Variants in MSH3 observed in about 807,000 individuals in gnomAD.
The protein encoded by MSH3 is mutS homolog 3.
Under a neutral mutation model 123.3 loss-of-function variants are expected in MSH3, and 106 were observed. The ratio of observed to expected loss-of-function variants is 0.86; its 90% CI spans 0.73 to 1.01. The LOEUF (loss-of-function observed/expected upper bound fraction) is 1.01, where lower values mean the gene tolerates loss of function less well. MSH3 is among the 50% of genes least tolerant of loss of function. MSH3 has a pLI of 0.00. For missense variants in MSH3, 1,459 were observed against 1,347.6 expected (o/e 1.08, Z -1.29); for synonymous variants, 515 against 481.4 (o/e 1.07, Z -0.91).
chr5:80,836,534 A>G (rs966901814), intron 20 of MSH3, among the ~76,000 whole-genome samples: 1 of 90,326 alleles, frequency 1.1e-5, no homozygotes, highest in African/African-American at 4.6e-5. Context: ...CAGCTCTTTG[A>G]ATATGCCACA....
chr5:80,717,321 G>A (rs1417223975), intron 8 of MSH3, among the ~76,000 whole-genome samples: 1 of 152,110 alleles, frequency 6.6e-6, no homozygotes, highest in African/African-American at 2.4e-5. Context: ...GCTGGAATGC[G>A]ATGGCATAAT....
At chr5:80,841,074 G>C (rs923886811) in intron 20 of MSH3, among the ~76,000 whole-genome samples, 29 of 149,442 alleles carry the variant, frequency 1.9e-4, no homozygotes, top group African/African-American at 6.9e-4. Context: ...CCCCACGACA[G>C]ACCCCGGTGT....
At position 80,753,112 on chromosome 5, in the gene MSH3, A is replaced by G. The variant is rs34039338; in HGVS notation, c.1764-8434A>G. The stretch of plus-strand genomic sequence containing the variant: ...CACACACATGAATTTTTTATAATGT[A>G]CTGCTATTTGACCTTCACTACCATC... On this transcript the variant is annotated intron_variant, in intron 12 of 23. Transcript: ENST00000265081. 4.0e-3 allele frequency among the ~76,000 whole-genome samples: 616 copies of G among 152,302 alleles called. 3 individuals carry two copies. The highest frequency in any genetic ancestry group is 7.0e-3 in the Non-Finnish European group (478 of 68,026).
At chr5:80,791,668 A>G (rs1744608384) in intron 18 of MSH3, among the ~76,000 whole-genome samples, 2 of 152,208 alleles carry the variant, frequency 1.3e-5, no homozygotes, top group African/African-American at 4.8e-5. Context: ...CTTTAAAGGA[A>G]TATATTAAAT....
rs567719929 is a variant in MSH3 at position 80,830,759 on chromosome 5, C to T, written c.2813+17018C>T. On this transcript the variant is annotated intron_variant, in intron 20 of 23. Transcript: ENST00000265081. ...GTCCTTCGTAAGTGTCCTACACATG[C>T]TTTATAGACAGGGCCAGGGAACACT... is the stretch of plus-strand genomic sequence containing the variant. 2.0e-5 allele frequency among the ~76,000 whole-genome samples: 3 copies of T among 152,282 alleles called. No homozygotes were observed. The East Asian group carries it at 5.8e-4, about 29-fold the overall frequency.
At chr5:80,728,356 C>A (rs1743341284) in intron 9 of MSH3, among the ~76,000 whole-genome samples, 1 of 152,136 alleles carries the variant, frequency 6.6e-6, no homozygotes, top group Admixed American at 6.5e-5. Flanking sequence ...TTATAGATGG[C>A]CTTCCATATC....
chr5:80,717,482 A>G (rs1052926438), intron 8 of MSH3, among the ~76,000 whole-genome samples: 1 of 152,094 alleles, frequency 6.6e-6, no homozygotes, highest in Admixed American at 6.5e-5. Context: ...GGCTGGTCTC[A>G]AACTCCTGGC....
intron 20 of MSH3, among the ~76,000 whole-genome samples, chr5:80,851,206 CAT>C (rs3991214): frequency 0.16 from 23,918 of 151,906 alleles, 1,956 homozygotes; most frequent in East Asian, 0.24. Flanking sequence ...TGATGGTTTT[CAT>C]AGTGTTAATT....
At chr5:80,819,702 G>C (rs568501863) in intron 20 of MSH3, among the ~76,000 whole-genome samples, 4 of 152,058 alleles carry the variant, frequency 2.6e-5, no homozygotes. Context: ...GGCCAGGCTG[G>C]TTTCAAACTC....
At chr5:80,850,403 A>T (rs1362529104) in intron 20 of MSH3, among the ~76,000 whole-genome samples, 1 of 152,108 alleles carries the variant, frequency 6.6e-6, no homozygotes, top group Non-Finnish European at 1.5e-5. Flanking sequence ...GTCCATTTTC[A>T]CACTGCTGAT....
At chr5:80,698,168 G>T (rs1018676482) in intron 8 of MSH3, among the ~76,000 whole-genome samples, 1 of 152,152 alleles carries the variant, frequency 6.6e-6, no homozygotes, top group Non-Finnish European at 1.5e-5. Context: ...TCCCCAAAAT[G>T]TTGGAATTAC....
At chr5:80,794,945 T>C (rs561505186) in intron 19 of MSH3, among the ~76,000 whole-genome samples, 70 of 152,294 alleles carry the variant, frequency 4.6e-4, no homozygotes, top group Non-Finnish European at 8.4e-4. Flanking sequence ...ATGAGAGAGC[T>C]GCAGGGGAAT....
chr5:80,664,301 A>C (rs1749513835), intron 2 of MSH3, among the ~76,000 whole-genome samples: 1 of 152,134 alleles, frequency 6.6e-6, no homozygotes, highest in Non-Finnish European at 1.5e-5. Flanking sequence ...GGTGTTTCTG[A>C]GTATGGTGAT....
At chr5:80,785,492 C>T (rs1202754100) in intron 17 of MSH3, among the ~76,000 whole-genome samples, 7 of 152,110 alleles carry the variant, frequency 4.6e-5, no homozygotes, top group African/African-American at 1.4e-4. Context: ...AATAGGAACA[C>T]TTTTACACTG....
chr5:80,806,940 C>T (rs1013177497), intron 19 of MSH3, among the ~76,000 whole-genome samples: 1 of 152,022 alleles, frequency 6.6e-6, no homozygotes, highest in Admixed American at 6.5e-5. Flanking sequence ...TGGAGGCTTA[C>T]ATCTGTAATC....
intron 20 of MSH3, among the ~76,000 whole-genome samples, chr5:80,853,720 ATCT>A (rs532608048): frequency 4.1e-4 from 62 of 152,326 alleles, no homozygotes; most frequent in African/African-American, 1.4e-3. Context: ...TCAGTATGGA[ATCT>A]TCTTAAGGAA....
intron 12 of MSH3, among the ~76,000 whole-genome samples, chr5:80,757,061 C>T (rs1015707594): frequency 6.6e-6 from 1 of 152,000 alleles, no homozygotes; most frequent in Non-Finnish European, 1.5e-5. Flanking sequence ...TTTCAGCTCC[C>T]CACCCCCACC....
chr5:80,738,233 C>A (rs566936852), intron 10 of MSH3, among the ~76,000 whole-genome samples: 2 of 152,288 alleles, frequency 1.3e-5, no homozygotes, highest in East Asian at 3.9e-4. Flanking sequence ...CCTTCTACCC[C>A]ACCCCCTGTA....
intron 7 of MSH3, among the ~76,000 whole-genome samples, chr5:80,677,649 G>A (rs1749872780): frequency 6.6e-6 from 1 of 152,142 alleles, no homozygotes; most frequent in Non-Finnish European, 1.5e-5. Flanking sequence ...TCCCTCCAGA[G>A]GTGTCTGTAA....
Sources: gnomAD v4.1 joint callset for allele counts (sites outside exome capture counted in the v4.1 genomes callset) on GRCh38, gnomAD v4.1.1 for gene constraint, MANE v1.5 for transcripts, NCBI Gene and HGNC (gene_info 2026-07-23, HGNC 2026-07-21) for gene names.